NTRK3: variants seen among roughly 807,000 people sequenced by gnomAD.
The protein encoded by NTRK3 is neurotrophic receptor tyrosine kinase 3.
Under a neutral mutation model 91.7 loss-of-function variants are expected in NTRK3, and 24 were observed. The ratio of observed to expected loss-of-function variants is 0.26; its 90% CI spans 0.19 to 0.37. The LOEUF is 0.37. Among genes scored for constraint, NTRK3 ranks in the 10% least tolerant of loss-of-function variants. The pLI, the probability that NTRK3 is intolerant of heterozygous loss-of-function variation, is 1.00. For synonymous variants in NTRK3, 483 were observed against 404.0 expected (o/e 1.20, Z -2.34); for missense variants, 880 against 1,068.9 (o/e 0.82, Z 2.46).
intron 17 of NTRK3, among the ~76,000 whole-genome samples, chr15:87,903,193 A>G (rs2066556402): frequency 6.6e-6 from 1 of 152,238 alleles, no homozygotes; most frequent in Non-Finnish European, 1.5e-5. Flanking sequence ...CAGTCTAGAA[A>G]TAGCAGAACC....
chr15:88,137,520 C>T (rs201252722), exon 7 of NTRK3: 10 of 1,614,110 alleles, frequency 6.2e-6, no homozygotes, highest in Middle Eastern at 1.7e-4. Context: ...CTGCATCCAG[C>T]GGATGTCACA....
At chr15:88,082,022 C>T (rs1314092855) in intron 13 of NTRK3, among the ~76,000 whole-genome samples, 1 of 152,152 alleles carries the variant, frequency 6.6e-6, no homozygotes, top group African/African-American at 2.4e-5. Context: ...AAAAGGTTCA[C>T]CTCCAGCACT....
chr15:88,049,952 C>T (rs192742566), intron 13 of NTRK3, among the ~76,000 whole-genome samples: 122 of 152,304 alleles, frequency 8.0e-4, no homozygotes, highest in African/African-American at 2.7e-3. Flanking sequence ...GTGCTCCTGA[C>T]GCTCATAGAT....
rs1466782933 is a variant in NTRK3 at position 88,137,385 on chromosome 15, C to T, written c.622+19G>A. The T allele has an allele frequency of 6.2e-6, 10 of 1,612,568 alleles. No individual in the cohort carries two copies. The highest frequency in any genetic ancestry group is 4.5e-5 in the East Asian group (2 of 44,886). On this transcript the variant is annotated intron_variant, in intron 7 of 18. Coordinates refer to ENST00000394480, the Ensembl canonical transcript of NTRK3. The stretch of plus-strand genomic sequence containing the variant: ...GATGCCTCCCTGGAGCCAGCTGGGC[C>T]AGGCGGCCACTCACTCACCACACTG...
chr15:87,877,147 T>C (rs1007918089), intron 18 of NTRK3, 27 bp from the exon 20 acceptor site: 1 of 1,612,000 alleles, frequency 6.2e-7, no homozygotes, highest in Non-Finnish European at 8.5e-7. Flanking sequence ...AACAAGGAAG[T>C]TACACCCAAA....
intron 14 of NTRK3, among the ~76,000 whole-genome samples, chr15:88,007,015 C>T (rs1445377946): frequency 6.6e-6 from 1 of 152,076 alleles, no homozygotes; most frequent in African/African-American, 2.4e-5. Context: ...CAACTGACAC[C>T]ACATGAGGAC....
Position 88,192,654 on chromosome 15 carries a change from C to A in NTRK3, c.249-8355G>T, listed in dbSNP as rs934455038. Among the ~76,000 whole-genome samples, 34 of 152,186 alleles carry A rather than the reference C, an allele frequency of 2.2e-4. 1 individual carries two copies. Among genetic ancestry groups the A allele is most frequent in the Admixed American group, 2.0e-3 (31 of 15,286 alleles). On this transcript the variant is annotated intron_variant, in intron 3 of 18. Coordinates refer to ENST00000394480, the Ensembl canonical transcript of NTRK3. ...CTCAAGGTCCTGCACAAGCTGGCCACCAGATGCCTCTAGGGCTCCTTCTCT... is the reference window on the plus strand; with the variant it reads ...CTCAAGGTCCTGCACAAGCTGGCCAACAGATGCCTCTAGGGCTCCTTCTCT...
Position 87,912,931 on chromosome 15 carries a change from AATATATATATATATATATATATAT to A in NTRK3, c.2133+16236_2133+16259del, listed in dbSNP as rs58367924. Among the ~76,000 whole-genome samples, 54 of 36,502 alleles carry A rather than the reference AATATATATATATATATATATATAT, an allele frequency of 1.5e-3. 1 individual carries two copies. Among genetic ancestry groups the A allele is most frequent in the African/African-American group, 5.4e-3 (40 of 7,384 alleles). The allele number at this position is 36,502 out of a possible 152,430, so 23.9% of individuals were successfully genotyped here. ...TTCAACTTTTCAAAAAGTAAAAAAAAATATATATATATATATATATATATATATATATATATATATATGCTTCAA... is the reference window on the plus strand; with the variant it reads ...TTCAACTTTTCAAAAAGTAAAAAAAAATATATATATATATATATGCTTCAA... On this transcript the variant is annotated intron_variant, in intron 17 of 18. Coordinates refer to ENST00000394480, the Ensembl canonical transcript of NTRK3.
rs552412522 is a variant in NTRK3, at chr15:88,225,076, C to T, written c.248+30830G>A. 8.5e-5 allele frequency among the ~76,000 whole-genome samples: 13 copies of T among 152,218 alleles called. No individual in the cohort carries two copies. The South Asian group carries it at 1.0e-3, about 12-fold the overall frequency. On this transcript the variant is annotated intron_variant, in intron 3 of 18. Coordinates refer to ENST00000394480, the Ensembl canonical transcript of NTRK3. ...AATGCCAGCCACTACCAAGAGGTTG[C>T]GGGAAAGATGATGTTTCTCACAGCG...
intron 13 of NTRK3, among the ~76,000 whole-genome samples, chr15:88,109,116 G>T (rs1266938158): frequency 6.6e-6 from 1 of 152,150 alleles, no homozygotes; most frequent in Non-Finnish European, 1.5e-5. Context: ...TCTTTGCAAG[G>T]CACTTAAATT....
chr15:88,081,891 T>A (rs2048077165), intron 13 of NTRK3, among the ~76,000 whole-genome samples: 1 of 152,198 alleles, frequency 6.6e-6, no homozygotes, highest in South Asian at 2.1e-4. Context: ...TCAACTCTGC[T>A]GTGGCCCTCT....
exon 14 of NTRK3, chr15:88,032,976 G>T: frequency 1.2e-6 from 2 of 1,611,694 alleles, no homozygotes; most frequent in Non-Finnish European, 1.7e-6. Flanking sequence ...CGAGGGCGTG[G>T]TGATGCCGTG....
exon 19 of NTRK3, chr15:87,866,027 A>G (rs567745679): frequency 4.3e-6 from 1 of 231,108 alleles, no homozygotes; most frequent in Non-Finnish European, 8.6e-6. Flanking sequence ...AGTGGGCTCT[A>G]TTTGTCTGGC....
rs1157904247 is a variant in NTRK3 at position 88,241,458 on chromosome 15, C to G, written c.248+14448G>C. ...ACAGAACATGACCCCGGAAAATGAA[C>G]CCTAGATGCAAATCAGGGAGTCATG... On this transcript the variant is annotated intron_variant, in intron 3 of 18. Coordinates refer to ENST00000394480, the Ensembl canonical transcript of NTRK3. The surrounding 1 kb of genome is among the most constrained non-coding windows in gnomAD (Gnocchi z 4.3). Among the ~76,000 whole-genome samples the G allele has an allele frequency of 6.6e-6, 1 of 152,096 alleles. No homozygotes were observed. The highest frequency in any genetic ancestry group is 2.4e-5 in the African/African-American group (1 of 41,416).
intron 14 of NTRK3, among the ~76,000 whole-genome samples, chr15:88,032,391 C>T (rs961494170): frequency 2.6e-5 from 4 of 152,122 alleles, no homozygotes; most frequent in African/African-American, 9.7e-5. Flanking sequence ...CACTTCGGGG[C>T]ACTGGAGGGG....
chr15:88,001,412 T>A (rs2141626035), intron 14 of NTRK3, among the ~76,000 whole-genome samples: 1 of 152,268 alleles, frequency 6.6e-6, no homozygotes, highest in African/African-American at 2.4e-5. Context: ...AATCATTACC[T>A]AATCCAAGTC....
chr15:88,252,205 A>C (rs1484689804), intron 3 of NTRK3, among the ~76,000 whole-genome samples: 1 of 151,986 alleles, frequency 6.6e-6, no homozygotes, highest in Non-Finnish European at 1.5e-5. Flanking sequence ...TGAGCACCAA[A>C]CTGTGCCTAC....
Position 88,255,783 on chromosome 15 carries a change from G to T in NTRK3, c.248+123C>A. ...CCGAGCCAGAGCGAGCCTGACGCGC[G>T]CCCAGCGGGCGGCGGGCAGCGGCGA... On this transcript the variant is annotated intron_variant, in intron 3 of 18. Transcript: ENST00000394480. The surrounding 1 kb of genome is among the most constrained non-coding windows in gnomAD (Gnocchi z 4.3). 1 of 762,772 alleles carries T rather than the reference G, an allele frequency of 1.3e-6. No individual in the cohort carries two copies. Among genetic ancestry groups the T allele is most frequent in the Non-Finnish European group, 1.8e-6 (1 of 545,918 alleles). 47.3% of individuals were successfully genotyped at this position (762,772 alleles called of 1,614,324 possible).
intron 14 of NTRK3, among the ~76,000 whole-genome samples, chr15:87,955,752 T>G (rs2071590461): frequency 6.6e-6 from 1 of 152,182 alleles, no homozygotes; most frequent in Non-Finnish European, 1.5e-5. Flanking sequence ...AGAGGCCAGT[T>G]CAACAAAGGA....
Sources: gnomAD v4.1 joint callset for allele counts (sites outside exome capture counted in the v4.1 genomes callset) on GRCh38, gnomAD v4.1.1 for gene constraint, Gnocchi (gnomAD v3.1) non-coding constraint, MANE v1.5 for transcripts, NCBI Gene and HGNC (gene_info 2026-07-23, HGNC 2026-07-21) for gene names.